NTM: variants seen among roughly 807,000 people sequenced by gnomAD.
NTM encodes the protein IgLON family member 2.
A neutral mutation model predicts 42.1 loss-of-function variants in NTM; 13 were observed. That is an observed-to-expected ratio of 0.31 (90% CI 0.20 to 0.49). The LOEUF (loss-of-function observed/expected upper bound fraction) is 0.49, where lower values mean the gene tolerates loss of function less well. Among genes scored for constraint, NTM ranks in the 20% least tolerant of loss-of-function variants. The pLI, the probability that NTM is intolerant of heterozygous loss-of-function variation, is 0.99. For missense variants in NTM, 373 were observed against 452.8 expected (o/e 0.82, Z 1.60); for synonymous variants, 187 against 179.2 (o/e 1.04, Z -0.35).
chr11:132,147,214 T>TGAGA (rs113704092), intron 3 of NTM, among the ~76,000 whole-genome samples: 84 of 122,860 alleles, frequency 6.8e-4, no homozygotes, highest in African/African-American at 1.9e-3. Flanking sequence ...TGTGTGTGTG[T>TGAGA]GAGAGAGAGA....
intron 4 of NTM, among the ~76,000 whole-genome samples, chr11:132,255,510 T>C (rs983727039): frequency 4.6e-5 from 7 of 152,222 alleles, no homozygotes; most frequent in Non-Finnish European, 1.0e-4. Context: ...TTTGATTAGC[T>C]GTAAAACAAA....
chr11:132,234,801 T>G (rs921296856), intron 4 of NTM, among the ~76,000 whole-genome samples: 1 of 152,262 alleles, frequency 6.6e-6, no homozygotes, highest in African/African-American at 2.4e-5. Flanking sequence ...GTTAACTGTT[T>G]GAAGTATGTG....
At chr11:131,555,952 G>T (rs1416975517) in intron 1 of NTM, among the ~76,000 whole-genome samples, 1 of 152,136 alleles carries the variant, frequency 6.6e-6, no homozygotes, top group Non-Finnish European at 1.5e-5. Flanking sequence ...TGCCAACGGT[G>T]CTGCCCTTGT....
intron 1 of NTM, among the ~76,000 whole-genome samples, chr11:131,383,068 G>C (rs1942884998): frequency 6.6e-6 from 1 of 152,108 alleles, no homozygotes; most frequent in African/African-American, 2.4e-5. Context: ...TATTGCCCCT[G>C]TGTCCATTGT....
rs538552108 is a variant in NTM, at chr11:132,326,306, C to T, written c.935-3847C>T. On this transcript the variant is annotated intron_variant, in intron 7 of 8. Transcript: ENST00000683400. Reference sequence around the variant, plus strand: ...TTCTGACCACTGAGATCTTCATTCTCAGAGGAAATTGGAGCTTTTGAAACT... The same window carrying T: ...TTCTGACCACTGAGATCTTCATTCTTAGAGGAAATTGGAGCTTTTGAAACT... 4.8e-4 allele frequency among the ~76,000 whole-genome samples: 73 copies of T among 152,236 alleles called. No homozygotes were observed. In the South Asian group the frequency reaches 0.015, roughly 30 times the overall value.
At chr11:131,988,693 G>A (rs1371910586) in intron 2 of NTM, among the ~76,000 whole-genome samples, 1 of 152,180 alleles carries the variant, frequency 6.6e-6, no homozygotes, top group Non-Finnish European at 1.5e-5. Context: ...GATATGTGTG[G>A]TTCCATAGGC....
intron 4 of NTM, among the ~76,000 whole-genome samples, chr11:132,242,638 G>A (rs1417003142): frequency 6.6e-6 from 1 of 152,198 alleles, no homozygotes; most frequent in Non-Finnish European, 1.5e-5. Context: ...TAGCCACCCT[G>A]TTTGAAAGTA....
chr11:131,397,108 T>A (rs1180240807), intron 1 of NTM, among the ~76,000 whole-genome samples: 1 of 152,194 alleles, frequency 6.6e-6, no homozygotes, highest in Non-Finnish European at 1.5e-5. Flanking sequence ...TCAAGTGACA[T>A]GCCCCAGAGT....
At chr11:131,500,036 T>C (rs1378588517) in intron 1 of NTM, among the ~76,000 whole-genome samples, 1 of 152,210 alleles carries the variant, frequency 6.6e-6, no homozygotes, top group Non-Finnish European at 1.5e-5. Flanking sequence ...GGTCCCCCCA[T>C]GCCTGCCCTG....
At chr11:131,581,207 C>T (rs561160234) in intron 1 of NTM, among the ~76,000 whole-genome samples, 12 of 152,358 alleles carry the variant, frequency 7.9e-5, no homozygotes, top group African/African-American at 2.6e-4. Flanking sequence ...ACTGCTCTTG[C>T]GGGTTGCTGG....
At chr11:131,417,668 A>G (rs1187794901) in intron 1 of NTM, among the ~76,000 whole-genome samples, 1 of 152,212 alleles carries the variant, frequency 6.6e-6, no homozygotes, top group Admixed American at 6.5e-5. Context: ...CAGTTTGGCA[A>G]TTTAAGTAAG....
At chr11:131,959,346 G>A (rs2061888402) in intron 2 of NTM, among the ~76,000 whole-genome samples, 1 of 152,166 alleles carries the variant, frequency 6.6e-6, no homozygotes, top group Admixed American at 6.5e-5. Context: ...AGATAGTCAT[G>A]GCCAGGCATA....
intron 1 of NTM, among the ~76,000 whole-genome samples, chr11:131,467,446 A>G (rs996496781): frequency 1.3e-5 from 2 of 152,222 alleles, no homozygotes; most frequent in African/African-American, 4.8e-5. Context: ...TTTTACACAA[A>G]CTAAAAAATT....
intron 2 of NTM, among the ~76,000 whole-genome samples, chr11:132,104,584 C>A (rs927875034): frequency 1.4e-5 from 2 of 138,662 alleles, no homozygotes; most frequent in African/African-American, 2.8e-5. Flanking sequence ...GGACCCCCCC[C>A]CACCAAAAAT....
intron 2 of NTM, among the ~76,000 whole-genome samples, chr11:132,006,113 ATCTTGAC>A (rs1280806299): frequency 6.6e-6 from 1 of 152,118 alleles, no homozygotes; most frequent in East Asian, 1.9e-4. Flanking sequence ...TGGCTAATGC[ATCTTGAC>A]AACTCCTTTA....
At chr11:131,895,361 T>C (rs2052101154) in intron 1 of NTM, among the ~76,000 whole-genome samples, 1 of 151,080 alleles carries the variant, frequency 6.6e-6, no homozygotes, top group South Asian at 2.1e-4. Flanking sequence ...CACAACCTGT[T>C]AGGACTCATT....
intron 1 of NTM, among the ~76,000 whole-genome samples, chr11:131,801,970 T>C (rs1216217011): frequency 6.6e-6 from 1 of 151,988 alleles, no homozygotes; most frequent in East Asian, 1.9e-4. Context: ...CCCTCAAGAA[T>C]TCATTCTGAT....
At chr11:131,750,452 A>C (rs1053537554) in intron 1 of NTM, among the ~76,000 whole-genome samples, 1 of 152,170 alleles carries the variant, frequency 6.6e-6, no homozygotes, top group African/African-American at 2.4e-5. Context: ...GAGCCACTGC[A>C]GGGTGCCTGG....
chr11:132,311,754 A>G (rs2095287617), intron 6 of NTM, among the ~76,000 whole-genome samples: 1 of 151,348 alleles, frequency 6.6e-6, no homozygotes, highest in Non-Finnish European at 1.5e-5. Context: ...TTTATTGGAG[A>G]AAAATAGAAA....
Sources: gnomAD v4.1 joint callset for allele counts (sites outside exome capture counted in the v4.1 genomes callset) on GRCh38, gnomAD v4.1.1 for gene constraint, MANE v1.5 for transcripts, NCBI Gene and HGNC (gene_info 2026-07-23, HGNC 2026-07-21) for gene names.